The following DSC1 variants were observed in gnomAD, a reference collection of about 807,000 sequenced individuals.
DSC1 encodes the protein desmocollin 1, also known as desmocollin-1.
In DSC1, 79 loss-of-function variants were observed where a neutral mutation model predicts 98.8. The ratio of observed to expected loss-of-function variants is 0.80; its 90% CI spans 0.67 to 0.96. The LOEUF (loss-of-function observed/expected upper bound fraction) is 0.96. Among genes scored for constraint, DSC1 ranks in the 50% least tolerant of loss-of-function variants. The pLI is 0.00. For missense variants in DSC1, 1,115 were observed against 1,075.9 expected (o/e 1.04, Z -0.51); for synonymous variants, 405 against 372.1 (o/e 1.09, Z -1.02).
rs1988754235 is a variant in DSC1, at chr18:31,142,255, A to G, written c.1075-71T>C. ...TGTAGCTTTATATTCTAAAACACGT[A>G]TTTAAAGAAAAAAATAAATAAAGTG... On this transcript the variant is annotated intron_variant, in intron 8 of 15. Coordinates refer to ENST00000257198, the MANE Select transcript of DSC1 (RefSeq NM_024421.2). The G allele has an allele frequency of 6.7e-6, 10 of 1,486,682 alleles. No homozygotes were observed. The African/African-American group carries it at 8.6e-5, about 13-fold the overall frequency. The allele number at this position is 1,486,682 out of a possible 1,614,324, so 92.1% of individuals were successfully genotyped here.
intron 5 of DSC1, among the ~76,000 whole-genome samples, chr18:31,153,729 C>T (rs1989043072): frequency 6.6e-6 from 1 of 152,110 alleles, no homozygotes; most frequent in Admixed American, 6.5e-5. Flanking sequence ...TCCTTAGCTT[C>T]AAATTACACT....
At chr18:31,154,640 T>C (rs528340297) in intron 5 of DSC1, 134 bp downstream of exon 5, 6 of 860,830 alleles carry the variant, frequency 7.0e-6, no homozygotes, top group Non-Finnish European at 6.6e-6. Flanking sequence ...AAATTTAAAG[T>C]TTATATTGCA....
intron 11 of DSC1, among the ~76,000 whole-genome samples, 144 bp downstream of exon 11, chr18:31,139,585 AGATGCACTGAAGCCTAAAC>A (rs761299148): frequency 6.6e-6 from 1 of 152,188 alleles, no homozygotes; most frequent in Non-Finnish European, 1.5e-5. Context: ...TTTGCATTAT[AGATGCACTGAAGCCTAAAC>A]TGGGTGATAT....
In DSC1 at chr18:31,131,829, C is replaced by CTAA. The variant is rs1371327159; in HGVS notation, c.2249_2251dup (p.Ile750dup). On this transcript the variant is annotated inframe_insertion, in exon 15 of 16. Transcript: ENST00000257198. ...AATGTTGGATGTCTGCATGGGGAGT[C>CTAA]TAATATTTGCTTCCTAAAAGTAAAG... 2 of 1,613,704 alleles carry CTAA rather than the reference C, an allele frequency of 1.2e-6. No individual in the cohort carries two copies. Among genetic ancestry groups the CTAA allele is most frequent in the African/African-American group, 2.7e-5 (2 of 74,892 alleles).
intron 15 of DSC1, 154 bp downstream of exon 15, chr18:31,131,439 CT>C: frequency 9.7e-7 from 1 of 1,031,464 alleles, no homozygotes; most frequent in East Asian, 2.6e-5. Flanking sequence ...TCATTTTTAT[CT>C]TTGGGTTTAA....
chr18:31,141,978 C>A, intron 9 of DSC1, 21 bp downstream of exon 9: 1 of 1,586,728 alleles, frequency 6.3e-7, no homozygotes, highest in South Asian at 1.2e-5. Context: ...AAAGCATAGC[C>A]TGATTATTTT....
Position 31,143,749 on chromosome 18 carries a change from C to T in DSC1, c.982G>A (p.Gly328Ser), listed in dbSNP as rs911838159. The T allele has an allele frequency of 8.1e-6, 13 of 1,602,748 alleles. No homozygotes were observed. Among genetic ancestry groups the T allele is most frequent in the Non-Finnish European group, 1.1e-5 (13 of 1,174,294 alleles). ...YQLIMEVRDMGGQPFGLFNTG... is the reference protein window; with the variant it reads ...YQLIMEVRDMSGQPFGLFNTG... Reference sequence around the variant, plus strand: ...TTAAATAAACCGAAAGGCTGACCACCCATGTCTCGCACTTCCATTATTAAC... The same window carrying T: ...TTAAATAAACCGAAAGGCTGACCACTCATGTCTCGCACTTCCATTATTAAC... Residue 328 changes from glycine (G) to serine (S), a missense_variant, in exon 8 of 16, where the codon GGT becomes AGT. Transcript: ENST00000257198.
chr18:31,151,994 T>C (rs1989008271), intron 5 of DSC1, among the ~76,000 whole-genome samples: 1 of 152,022 alleles, frequency 6.6e-6, no homozygotes, highest in Non-Finnish European at 1.5e-5. Context: ...GAACCCTGTC[T>C]CTACGAAAAA....
chr18:31,159,211 G>A (rs1458937365), intron 2 of DSC1, among the ~76,000 whole-genome samples: 2 of 125,192 alleles, frequency 1.6e-5, no homozygotes, highest in African/African-American at 5.8e-5. Flanking sequence ...CCGCCACCGC[G>A]CCCGGCTAAT....
At chr18:31,136,556 A>G (rs1321825753) in intron 11 of DSC1, among the ~76,000 whole-genome samples, 1 of 152,238 alleles carries the variant, frequency 6.6e-6, no homozygotes, top group Admixed American at 6.5e-5. Flanking sequence ...AAGGCAATCA[A>G]AGACAAAGCT....
chr18:31,155,595 A>G (rs1180441377), intron 4 of DSC1, among the ~76,000 whole-genome samples: 1 of 152,098 alleles, frequency 6.6e-6, no homozygotes, highest in African/African-American at 2.4e-5. Context: ...ATGCCACTAT[A>G]CTCCAAAATT....
chr18:31,131,995 G>T, intron 14 of DSC1, 153 bp from the exon 15 acceptor site: 2 of 864,604 alleles, frequency 2.3e-6, no homozygotes, highest in Non-Finnish European at 3.5e-6. Context: ...GGTGTGATGG[G>T]TTGAATTGAG....
intron 1 of DSC1, 133 bp downstream of exon 1, chr18:31,162,399 G>T (rs1255021390): frequency 1.2e-6 from 1 of 813,938 alleles, no homozygotes. Context: ...ATCTTCCTCA[G>T]ATCTGCTTTT....
At chr18:31,152,064 A>C (rs1029787719) in intron 5 of DSC1, among the ~76,000 whole-genome samples, 2 of 152,076 alleles carry the variant, frequency 1.3e-5, no homozygotes, top group Admixed American at 1.3e-4. Context: ...CGGGAGGTTG[A>C]GGCAGGAGAA....
intron 1 of DSC1, 72 bp from the exon 2 acceptor site, chr18:31,159,601 T>G: frequency 7.3e-7 from 1 of 1,369,154 alleles, no homozygotes. Context: ...AGCTTTTTCT[T>G]ATTGATAAAA....
In DSC1 at chr18:31,134,566, A is replaced by G. The variant is rs1988567674; in HGVS notation, c.1876+6T>C. Reference sequence around the variant, plus strand: ...ATTGACTATAAAATTTAGCATGATTACATACCATCCTTTTCTTCTATGTTC... The same window carrying G: ...ATTGACTATAAAATTTAGCATGATTGCATACCATCCTTTTCTTCTATGTTC... On this transcript the variant is annotated splice_donor_region_variant and intron_variant, in intron 12 of 15. Coordinates refer to ENST00000257198, the MANE Select transcript of DSC1 (RefSeq NM_024421.2). The G allele has an allele frequency of 6.2e-7, 1 of 1,600,922 alleles. No homozygotes were observed. The highest frequency in any genetic ancestry group is 1.7e-5 in the Admixed American group (1 of 59,082).
rs575219896 is a variant in DSC1, at chr18:31,162,855, G to A, written c.-261C>T. 3 of 450,678 alleles carry A rather than the reference G, an allele frequency of 6.7e-6. No individual in the cohort carries two copies. The highest frequency in any genetic ancestry group is 4.0e-5 in the African/African-American group (2 of 50,236). The allele number at this position is 450,678 out of a possible 1,614,324, so 27.9% of individuals were successfully genotyped here. ...TAAATGCAAAGAGGCTTTCCTACAA[G>A]TGAGGAGGGTGGGGTACAAAACACC... On this transcript the variant is annotated 5_prime_UTR_variant, in exon 1 of 16. Coordinates refer to ENST00000257198, the MANE Select transcript of DSC1 (RefSeq NM_024421.2).
At chr18:31,148,692 C>A (rs767369761) in intron 5 of DSC1, 50 bp from the exon 6 acceptor site, 1 of 1,470,874 alleles carries the variant, frequency 6.8e-7, no homozygotes, top group South Asian at 1.5e-5. Flanking sequence ...ACAAATTATG[C>A]ACAAAAGTAA....
At chr18:31,149,980 T>A (rs77220749) in intron 5 of DSC1, among the ~76,000 whole-genome samples, 1 of 150,956 alleles carries the variant, frequency 6.6e-6, no homozygotes, top group Non-Finnish European at 1.5e-5. Context: ...TGGAATACAG[T>A]AGTCTATCAT....
Sources: allele counts gnomAD v4.1 joint callset (sites outside exome capture counted in the v4.1 genomes callset), GRCh38; gene constraint gnomAD v4.1.1; transcripts MANE v1.5; gene names NCBI Gene and HGNC (gene_info 2026-07-23, HGNC 2026-07-21).